The following RGS9 variants were observed in gnomAD, a reference collection of about 807,000 sequenced individuals.
RGS9 encodes regulator of G protein signaling 9.
In RGS9, 78 loss-of-function variants were observed where a neutral mutation model predicts 102.0. The observed-to-expected ratio is 0.76, with a 90% CI of 0.64 to 0.92. The LOEUF is 0.92. RGS9 is among the 40% of genes least tolerant of loss of function. The pLI is 0.00. For synonymous variants in RGS9, 353 were observed against 318.6 expected (o/e 1.11, Z -1.15); for missense variants, 833 against 866.1 (o/e 0.96, Z 0.48).
At chr17:65,168,104 G>A in intron 7 of RGS9, 96 bp from the exon 8 acceptor site, 1 of 763,602 alleles carries the variant, frequency 1.3e-6, no homozygotes, top group African/African-American at 1.7e-5. Context: ...ACTTGGGCAG[G>A]TTGGGAGAGG....
chr17:65,201,936 C>T (rs1210383521), intron 13 of RGS9, 57 bp from the exon 14 acceptor site: 2 of 1,197,606 alleles, frequency 1.7e-6, no homozygotes, highest in Non-Finnish European at 2.5e-6. Context: ...TTCCTCTTTT[C>T]TTCTTCCAAC....
At chr17:65,162,522 G>A (rs931663071) in intron 6 of RGS9, among the ~76,000 whole-genome samples, 5 of 152,252 alleles carry the variant, frequency 3.3e-5, no homozygotes, top group Admixed American at 6.5e-5. Flanking sequence ...GAGTGCAGTA[G>A]CACAATCTTG....
chr17:65,144,565 G>T (rs933587757), intron 1 of RGS9, among the ~76,000 whole-genome samples: 1 of 152,352 alleles, frequency 6.6e-6, no homozygotes, highest in African/African-American at 2.4e-5. Flanking sequence ...GCCTGGGAAC[G>T]AAGCGGGGCT....
intron 12 of RGS9, among the ~76,000 whole-genome samples, chr17:65,196,557 C>G (rs1354153931): frequency 2.0e-5 from 3 of 152,206 alleles, no homozygotes; most frequent in Non-Finnish European, 2.9e-5. Flanking sequence ...GGACCTGCAT[C>G]TTAGAGGAAG....
At chr17:65,164,768 TACATTTGAGGCGAA>T (rs1352466768) in intron 7 of RGS9, among the ~76,000 whole-genome samples, 11 of 152,336 alleles carry the variant, frequency 7.2e-5, no homozygotes, top group Non-Finnish European at 1.3e-4. Context: ...TCTACCTGGG[TACATTTGAGGCGAA>T]ACAACACGGG....
At chr17:65,168,069 A>T in intron 7 of RGS9, 131 bp from the exon 8 acceptor site, 1 of 680,970 alleles carries the variant, frequency 1.5e-6, no homozygotes, top group South Asian at 1.5e-5. Context: ...TGCTGTGTTC[A>T]TTACTATTAC....
chr17:65,227,072 A>G (rs931701109), intron 18 of RGS9, among the ~76,000 whole-genome samples: 1 of 152,196 alleles, frequency 6.6e-6, no homozygotes, highest in African/African-American at 2.4e-5. Flanking sequence ...ATGAATCCCC[A>G]ATAAAAAGAT....
intron 17 of RGS9, among the ~76,000 whole-genome samples, chr17:65,215,497 GTTCTTTCTTTCTTTCT>G (rs779043184): frequency 1.5e-3 from 194 of 133,648 alleles, no homozygotes; most frequent in South Asian, 4.7e-3. Context: ...TCGTTCTTTC[GTTCTTTCTTTCTTTCT>G]TTCTTTCTTT....
chr17:65,179,111 G>T (rs1015703366), intron 9 of RGS9, among the ~76,000 whole-genome samples: 2 of 152,116 alleles, frequency 1.3e-5, no homozygotes, highest in Non-Finnish European at 2.9e-5. Flanking sequence ...CTAGCCTAGG[G>T]TGCATCTATA....
chr17:65,148,678 A>T (rs933966518), intron 1 of RGS9, among the ~76,000 whole-genome samples: 15 of 151,954 alleles, frequency 9.9e-5, no homozygotes, highest in African/African-American at 3.4e-4. Flanking sequence ...TTTTTTTGGG[A>T]TCATCTCAGC....
intron 7 of RGS9, 90 bp downstream of exon 7, chr17:65,163,179 T>C: frequency 1.5e-6 from 1 of 652,742 alleles, no homozygotes; most frequent in Non-Finnish European, 2.4e-6. Context: ...ATTTTTTATT[T>C]TTATTTTTTT....
rs778936975 is a variant in RGS9 at position 65,207,908 on chromosome 17, C to G, written c.1204-14C>G. ...TTTCTCTCATAATTACTGTTGTTTT[C>G]TTGTTCCCACTAGGATTCTTATGCT... On this transcript the variant is annotated splice_polypyrimidine_tract_variant and intron_variant, in intron 15 of 18. Transcript: ENST00000262406. 2.5e-6 allele frequency: 4 copies of G among 1,591,418 alleles called. No homozygotes were observed. The East Asian group carries it at 8.9e-5, about 36-fold the overall frequency.
At chr17:65,167,675 T>C (rs1911244204) in intron 7 of RGS9, among the ~76,000 whole-genome samples, 1 of 152,170 alleles carries the variant, frequency 6.6e-6, no homozygotes, top group African/African-American at 2.4e-5. Context: ...ACGTTGACTA[T>C]GTTGTTTGCC....
At chr17:65,149,209 A>G (rs887479349) in intron 1 of RGS9, among the ~76,000 whole-genome samples, 4 of 152,058 alleles carry the variant, frequency 2.6e-5, no homozygotes, top group Non-Finnish European at 5.9e-5. Context: ...CCTGACCTCA[A>G]GTGATCCACC....
At chr17:65,212,632 T>C (rs1913347135) in intron 17 of RGS9, among the ~76,000 whole-genome samples, 1 of 152,216 alleles carries the variant, frequency 6.6e-6, no homozygotes, top group Non-Finnish European at 1.5e-5. Context: ...AGATCATTGA[T>C]GACCTTCAAG....
At chr17:65,157,134 A>C (rs550789746) in intron 2 of RGS9, among the ~76,000 whole-genome samples, 1 of 152,072 alleles carries the variant, frequency 6.6e-6, no homozygotes, top group South Asian at 2.1e-4. Context: ...ATAAGAACAC[A>C]GGGAGTGGAG....
At position 65,204,244 on chromosome 17, in the gene RGS9, C is replaced by A. The variant is rs750120097; in HGVS notation, c.1146C>A (p.His382Gln). The change falls in exon 15 of 19, where the codon CAC (histidine) becomes CAA (glutamine). Residue 382 changes from histidine to glutamine, a missense_variant. Transcript: ENST00000262406. ...TMDITVKGLKHPHRYVLDAAQ... is the reference protein window; with the variant it reads ...TMDITVKGLKQPHRYVLDAAQ... Reference sequence around the variant, plus strand: ...ACATCACAGTGAAGGGGCTGAAGCACCCCCACCGCTATGTGCTGGACGCCG... The same window carrying A: ...ACATCACAGTGAAGGGGCTGAAGCAACCCCACCGCTATGTGCTGGACGCCG... 3.7e-5 allele frequency: 60 copies of A among 1,613,412 alleles called. No individual in the cohort carries two copies. The Admixed American group carries it at 4.0e-4, about 11-fold the overall frequency.
chr17:65,146,452 G>C (rs1338459902), intron 1 of RGS9, among the ~76,000 whole-genome samples: 1 of 152,048 alleles, frequency 6.6e-6, no homozygotes, highest in East Asian at 1.9e-4. Flanking sequence ...GCTGGGTTTG[G>C]TGGGGTGCGC....
rs562792341 is a variant in RGS9, at chr17:65,220,574, G to T, written c.1408-4428G>T. Among the ~76,000 whole-genome samples, 10 of 152,330 alleles carry T rather than the reference G, an allele frequency of 6.6e-5. No homozygotes were observed. The East Asian group carries it at 1.9e-3, about 29-fold the overall frequency. Reference sequence around the variant, plus strand: ...GCTAACTTTGCACATTTGCTTGGGGGCGGTGGGGAAGGGGAGAGTGGGAAG... The same window carrying T: ...GCTAACTTTGCACATTTGCTTGGGGTCGGTGGGGAAGGGGAGAGTGGGAAG... On this transcript the variant is annotated intron_variant, in intron 17 of 18. Coordinates refer to ENST00000262406, the MANE Select transcript of RGS9 (RefSeq NM_003835.4).
Sources: gnomAD v4.1 joint callset for allele counts (sites outside exome capture counted in the v4.1 genomes callset) on GRCh38, gnomAD v4.1.1 for gene constraint, MANE v1.5 for transcripts, NCBI Gene and HGNC (gene_info 2026-07-23, HGNC 2026-07-21) for gene names.